Variants in TBC1D4 observed in about 807,000 individuals in gnomAD.
The protein encoded by TBC1D4 is TBC (Tre-2, BUB2, CDC16) domain-containing protein.
TBC1D4 carries 121 observed loss-of-function variants against 142.5 expected under a neutral mutation model. The observed-to-expected ratio is 0.85, with a 90% confidence interval of 0.73 to 0.99. TBC1D4 has a LOEUF of 0.99. TBC1D4 is among the 50% of genes least tolerant of loss of function. The pLI, the probability that TBC1D4 is intolerant of heterozygous loss-of-function variation, is 0.00. For missense variants in TBC1D4, 1,475 were observed against 1,606.6 expected, an observed-to-expected ratio of 0.92 and a Z score of 1.40; for synonymous variants, 630 against 628.2, an observed-to-expected ratio of 1.00 and a Z score of -0.04.
Position 75,481,817 on chromosome 13 carries a change from C to T in TBC1D4, c.-50G>A. On this transcript the variant is annotated 5_prime_UTR_variant, in exon 1 of 21. Transcript: ENST00000377636. ...CGGAGGCCGGCCGGGCGCACCGCGC[C>T]CCCCACTCCCGCGCAGAAGGCGCCG... 1.4e-6 allele frequency: 2 copies of T among 1,439,494 alleles called. No individual in the cohort carries two copies. Among genetic ancestry groups the T allele is most frequent in the Non-Finnish European group, 9.0e-7 (1 of 1,105,730 alleles). 89.2% of individuals were successfully genotyped at this position (1,439,494 alleles called of 1,614,324 possible).
At chr13:75,390,519 G>A (rs916887326) in intron 1 of TBC1D4, among the ~76,000 whole-genome samples, 2 of 152,046 alleles carry the variant, frequency 1.3e-5, no homozygotes, top group Non-Finnish European at 2.9e-5. Context: ...GACACCTTCA[G>A]CAATTCACTC....
intron 1 of TBC1D4, among the ~76,000 whole-genome samples, chr13:75,383,504 T>TCCA (rs1883979321): frequency 6.6e-6 from 1 of 152,240 alleles, no homozygotes; most frequent in African/African-American, 2.4e-5. Context: ...ACTCGTACAG[T>TCCA]AGTCCCTCCT....
At chr13:75,406,456 C>G (rs1406839954) in intron 1 of TBC1D4, among the ~76,000 whole-genome samples, 2 of 152,164 alleles carry the variant, frequency 1.3e-5, no homozygotes, top group Non-Finnish European at 2.9e-5. Context: ...CGGCACATTG[C>G]ATGGTTTTGT....
At chr13:75,450,798 G>A in intron 1 of TBC1D4, among the ~76,000 whole-genome samples, 1 of 152,138 alleles carries the variant, frequency 6.6e-6, no homozygotes, top group East Asian at 1.9e-4. Flanking sequence ...TAATCACATG[G>A]TTAGTCTTTC....
intron 14 of TBC1D4, among the ~76,000 whole-genome samples, chr13:75,307,425 G>T (rs1213123669): frequency 6.6e-6 from 1 of 152,132 alleles, no homozygotes; most frequent in Non-Finnish European, 1.5e-5. Flanking sequence ...CCAGTATCTT[G>T]ATTTGTTCTT....
intron 3 of TBC1D4, among the ~76,000 whole-genome samples, chr13:75,358,751 C>A (rs541791290): frequency 6.6e-6 from 1 of 152,008 alleles, no homozygotes; most frequent in Non-Finnish European, 1.5e-5. Flanking sequence ...GTGGTCCCAG[C>A]TACTGGAGAG....
chr13:75,298,539 T>C (rs1365500328), intron 17 of TBC1D4, among the ~76,000 whole-genome samples: 4 of 152,082 alleles, frequency 2.6e-5, no homozygotes, highest in African/African-American at 9.7e-5. Flanking sequence ...TCACCTGAGG[T>C]CAGGAGTTCA....
chr13:75,351,900 T>C (rs1462404257), intron 4 of TBC1D4, among the ~76,000 whole-genome samples: 1 of 152,228 alleles, frequency 6.6e-6, no homozygotes, highest in Non-Finnish European at 1.5e-5. Flanking sequence ...CAATGGCTAA[T>C]TAACCACCCA....
intron 1 of TBC1D4, among the ~76,000 whole-genome samples, chr13:75,460,631 G>A (rs970571357): frequency 1.3e-5 from 2 of 152,086 alleles, no homozygotes; most frequent in African/African-American, 4.8e-5. Flanking sequence ...TAAGAAAGAA[G>A]AGAGAGAGGC....
chr13:75,323,887 G>A (rs1174803967), intron 11 of TBC1D4, among the ~76,000 whole-genome samples: 2 of 149,728 alleles, frequency 1.3e-5, no homozygotes, highest in African/African-American at 4.9e-5. Context: ...AAAGGCCAAG[G>A]AAAAAAAAAG....
chr13:75,348,596 CTCTT>C (rs1881339060), intron 5 of TBC1D4, among the ~76,000 whole-genome samples: 1 of 152,118 alleles, frequency 6.6e-6, no homozygotes, highest in Non-Finnish European at 1.5e-5. Flanking sequence ...ACAGGATCAT[CTCTT>C]TCTCATGGCC....
intron 1 of TBC1D4, among the ~76,000 whole-genome samples, chr13:75,427,388 C>T (rs1479024947): frequency 6.6e-6 from 1 of 152,172 alleles, no homozygotes. Context: ...TCAGATGGAA[C>T]TTTCAAGATG....
Position 75,309,979 on chromosome 13 carries a change from C to A in TBC1D4, c.2556G>T (p.Leu852Phe), listed in dbSNP as rs756385842. The change falls in exon 14 of 21, where the codon TTG becomes TTT. Residue 852 changes from leucine (L) to phenylalanine (F), a missense_variant. By Grantham distance (22) the Leu-to-Phe change is conservative. Around this residue, in one of 2 missense-constraint regions of TBC1D4, gnomAD observed 1,227 missense variants for 1,267.7 expected, o/e 0.97. Transcript: ENST00000377636. ...LWRKAIHQQI[L>F]LLRMEKENQK... ...GGTTTTCTTTTTCCATTCGAAGTAACAAGATTTGTTGGTGTATAGCTTTTC... is the reference window on the plus strand; with the variant it reads ...GGTTTTCTTTTTCCATTCGAAGTAAAAAGATTTGTTGGTGTATAGCTTTTC... The A allele has an allele frequency of 5.0e-6, 8 of 1,613,960 alleles. No individual in the cohort carries two copies. In the Admixed American group the frequency reaches 8.3e-5, roughly 17 times the overall value.
intron 3 of TBC1D4, among the ~76,000 whole-genome samples, chr13:75,359,539 T>A (rs1055860597): frequency 2.6e-5 from 4 of 152,118 alleles, no homozygotes; most frequent in African/African-American, 9.7e-5. Context: ...AAGAGTTGGC[T>A]AAAATGAGGA....
intron 17 of TBC1D4, among the ~76,000 whole-genome samples, chr13:75,297,868 T>TCAATGAG (rs1214211537): frequency 6.6e-6 from 1 of 151,984 alleles, no homozygotes; most frequent in African/African-American, 2.4e-5. Context: ...CGAATAGTCA[T>TCAATGAG]CAATGAGGAA....
chr13:75,309,839 T>C (rs1877559139), intron 14 of TBC1D4, 103 bp downstream of exon 14: 1 of 1,152,878 alleles, frequency 8.7e-7, no homozygotes. Context: ...GTGCATACAG[T>C]CCAAAACTGA....
chr13:75,347,534 T>C (rs1881247144), intron 5 of TBC1D4, among the ~76,000 whole-genome samples: 1 of 152,232 alleles, frequency 6.6e-6, no homozygotes, highest in African/African-American at 2.4e-5. Flanking sequence ...TAAATCTCTC[T>C]TCAAGAAATA....
In TBC1D4 at chr13:75,306,451, A is replaced by T; in HGVS notation, c.2614T>A (p.Ser872Thr). The T allele has an allele frequency of 6.2e-7, 1 of 1,613,316 alleles. No individual in the cohort carries two copies. Among genetic ancestry groups the T allele is most frequent in the Non-Finnish European group, 8.5e-7 (1 of 1,179,846 alleles). The change falls in exon 15 of 21, where the codon TCC becomes ACC. Residue 872 changes from serine (S) to threonine (T), a missense_variant. Ser to Thr is a moderately conservative substitution (Grantham distance 58). Around this residue, in one of 2 missense-constraint regions of TBC1D4, gnomAD observed 1,227 missense variants for 1,267.7 expected, o/e 0.97. Coordinates refer to ENST00000377636, the MANE Select transcript of TBC1D4 (RefSeq NM_014832.5). ...KLEASRDELQSRKVKLDYEEV... is the reference protein window; with the variant it reads ...KLEASRDELQTRKVKLDYEEV... ...TCATAGTCTAATTTAACTTTTCTGG[A>T]CTGGAGTTCATCTCTGCTTGCTAAG...
Position 75,308,382 on chromosome 13 carries a change from C to T in TBC1D4, c.2593+1560G>A, listed in dbSNP as rs923931708. ...ATACTGTGGGGTGCTGGGGAAAGCCCGAGAACCACGATGAATAAACCTGAG... is the reference window on the plus strand; with the variant it reads ...ATACTGTGGGGTGCTGGGGAAAGCCTGAGAACCACGATGAATAAACCTGAG... On this transcript the variant is annotated intron_variant, in intron 14 of 20. Transcript: ENST00000377636. Among the ~76,000 whole-genome samples the T allele has an allele frequency of 3.3e-5, 5 of 152,110 alleles. No individual in the cohort carries two copies. The South Asian group carries it at 6.2e-4, about 19-fold the overall frequency.
Sources: gnomAD v4.1 joint callset for allele counts (sites outside exome capture counted in the v4.1 genomes callset) on GRCh38, gnomAD v4.1.1 for gene constraint, gnomAD v4.1.1 regional missense constraint, MANE v1.5 for transcripts, NCBI Gene and HGNC (gene_info 2026-07-23, HGNC 2026-07-21) for gene names.